Variants in DPH5 observed in about 807,000 individuals in gnomAD.
DPH5 encodes the protein diphthine methyl ester synthase.
In DPH5, 31 loss-of-function variants were observed where a neutral mutation model predicts 31.6. The ratio of observed to expected loss-of-function variants is 0.98; its 90% CI spans 0.74 to 1.32. The LOEUF (loss-of-function observed/expected upper bound fraction) is 1.32, where lower values mean the gene tolerates loss of function less well. DPH5 is among the 40% of genes most tolerant of loss of function. The pLI is 0.00. For synonymous variants in DPH5, 120 were observed against 115.0 expected (o/e 1.04, Z -0.28); for missense variants, 309 against 335.7 (o/e 0.92, Z 0.62).
At chr1:100,998,499 C>A (rs1420221890) in intron 5 of DPH5, among the ~76,000 whole-genome samples, 2 of 111,098 alleles carry the variant, frequency 1.8e-5, no homozygotes, top group African/African-American at 3.2e-5. Flanking sequence ...ACAGGGTAAA[C>A]CTTATCTTAA....
In DPH5 at chr1:100,990,310, G is replaced by A. The variant is rs373190218; in HGVS notation, c.*98C>T. On this transcript the variant is annotated 3_prime_UTR_variant, in exon 8 of 8. Transcript: ENST00000370109. ...TACCACAACACCTGGGAATTATGAGGATTAAAATTCAAGATGAGACTTGGG... is the reference window on the plus strand; with the variant it reads ...TACCACAACACCTGGGAATTATGAGAATTAAAATTCAAGATGAGACTTGGG... The A allele has an allele frequency of 4.3e-5, 48 of 1,118,080 alleles. 1 individual carries two copies. The African/African-American group carries it at 5.4e-4, about 13-fold the overall frequency. The allele number at this position is 1,118,080 out of a possible 1,614,324, so 69.3% of individuals were successfully genotyped here.
Position 100,998,417 on chromosome 1 carries a change from G to A in DPH5, c.490+3050C>T, listed in dbSNP as rs560280933. Among the ~76,000 whole-genome samples the A allele has an allele frequency of 1.2e-4, 18 of 151,960 alleles. No individual in the cohort carries two copies. In the South Asian group the frequency reaches 2.5e-3, roughly 21 times the overall value. On this transcript the variant is annotated intron_variant, in intron 5 of 7. Coordinates refer to ENST00000370109, the MANE Select transcript of DPH5 (RefSeq NM_015958.3). ...TCCCAGCCTCAGGAGGCTGAGGCAG[G>A]AGAATTGCTTGAACCTGGTAGGCAG...
chr1:101,021,648 G>C lies in DPH5; in HGVS notation c.253C>G (p.Pro85Ala). The change falls in exon 3 of 8, where the codon CCA becomes GCA. Residue 85 changes from proline to alanine, a missense_variant. Pro to Ala is a conservative substitution (Grantham distance 27). Coordinates refer to ENST00000370109, the MANE Select transcript of DPH5 (RefSeq NM_015958.3). Reference protein sequence around the residue: ...SDVAFLVVGDPFGATTHSDLV... With the variant: ...SDVAFLVVGDAFGATTHSDLV... ...ATATCTGCCTTGACTTACCCAAATG[G>C]ATCACCAACCACAAGGAATGCAACA... The C allele has an allele frequency of 6.2e-7, 1 of 1,611,500 alleles. No individual in the cohort carries two copies. Among genetic ancestry groups the C allele is most frequent in the Non-Finnish European group, 8.5e-7 (1 of 1,178,466 alleles).
At chr1:100,990,711 A>C in intron 7 of DPH5, 80 bp from the exon 8 acceptor site, 1 of 1,343,068 alleles carries the variant, frequency 7.4e-7, no homozygotes, top group Non-Finnish European at 1.0e-6. Context: ...TTAGTACCAC[A>C]AGTACATTTC....
chr1:100,994,967 G>A (rs576699654), intron 6 of DPH5, 143 bp downstream of exon 6: 35 of 583,696 alleles, frequency 6.0e-5, no homozygotes, highest in East Asian at 2.0e-4. Context: ...TTATCATTTC[G>A]TAAGAATAAA....
At chr1:101,007,935 C>G (rs1375964683) in intron 4 of DPH5, among the ~76,000 whole-genome samples, 5 of 151,984 alleles carry the variant, frequency 3.3e-5, no homozygotes, top group African/African-American at 7.3e-5. Flanking sequence ...TTAGAAAAAT[C>G]TGCAAAATGT....
At chr1:101,023,902 A>G (rs1409986556) in intron 2 of DPH5, among the ~76,000 whole-genome samples, 2 of 152,224 alleles carry the variant, frequency 1.3e-5, no homozygotes, top group East Asian at 3.8e-4. Context: ...AGATAAAACT[A>G]TAACCAAACT....
chr1:100,996,951 G>A (rs1049685559), intron 5 of DPH5, among the ~76,000 whole-genome samples: 3 of 152,172 alleles, frequency 2.0e-5, no homozygotes, highest in Non-Finnish European at 2.9e-5. Flanking sequence ...TGAGAACTAT[G>A]GTTTGAGGAT....
intron 7 of DPH5, among the ~76,000 whole-genome samples, chr1:100,992,384 G>A (rs1657838303): frequency 6.6e-6 from 1 of 152,036 alleles, no homozygotes; most frequent in Admixed American, 6.6e-5. Context: ...TGTGACTTAT[G>A]TTTAATTTGT....
rs571465072 is a variant in DPH5, at chr1:100,990,215, C to T, written c.*193G>A. 7.0e-5 allele frequency: 41 copies of T among 587,532 alleles called. No homozygotes were observed. In the Admixed American group the frequency reaches 1.1e-3, roughly 15 times the overall value. The allele number at this position is 587,532 out of a possible 1,614,324, so 36.4% of individuals were successfully genotyped here. The stretch of plus-strand genomic sequence containing the variant: ...GGGAAATGCCAGGCACTTATAAAAC[C>T]ATCAGATCTCATGAAAGCTCACTAT... On this transcript the variant is annotated 3_prime_UTR_variant, in exon 8 of 8. Coordinates refer to ENST00000370109, the MANE Select transcript of DPH5 (RefSeq NM_015958.3).
At chr1:101,001,430 C>T (rs759751128) in intron 5 of DPH5, 37 bp downstream of exon 5, 3 of 1,593,042 alleles carry the variant, frequency 1.9e-6, no homozygotes, top group Non-Finnish European at 2.6e-6. Flanking sequence ...TATGATAGTT[C>T]CATATTGTTA....
At position 100,992,670 on chromosome 1, in the gene DPH5, C is replaced by T. The variant is rs1570641526; in HGVS notation, c.601G>A (p.Val201Ile). ...NQAAQQLLEI[V>I]QNQRIRGEEP... Reference sequence around the variant, plus strand: ...TCTCCTCGTATTCTTTGATTTTGAACAATCTCCAGAAGCTGCTGGGCTGCT... The same window carrying T: ...TCTCCTCGTATTCTTTGATTTTGAATAATCTCCAGAAGCTGCTGGGCTGCT... The change falls in exon 7 of 8, where the codon GTT becomes ATT. Residue 201 changes from valine to isoleucine, a missense_variant. Physicochemically the swap from Val to Ile is conservative, Grantham distance 29. Coordinates refer to ENST00000370109, the MANE Select transcript of DPH5 (RefSeq NM_015958.3). The T allele has an allele frequency of 6.2e-7, 1 of 1,613,938 alleles. No homozygotes were observed. Among genetic ancestry groups the T allele is most frequent in the Admixed American group, 1.7e-5 (1 of 60,008 alleles).
intron 4 of DPH5, among the ~76,000 whole-genome samples, chr1:101,005,037 G>A (rs953477871): frequency 6.6e-6 from 1 of 152,122 alleles, no homozygotes; most frequent in Non-Finnish European, 1.5e-5. Flanking sequence ...CTACAACCAT[G>A]GTTTGAGCCC....
At chr1:100,997,586 C>T (rs1030442558) in intron 5 of DPH5, among the ~76,000 whole-genome samples, 1 of 152,090 alleles carries the variant, frequency 6.6e-6, no homozygotes, top group East Asian at 1.9e-4. Context: ...AAGATGGTCT[C>T]GATCTTCTGA....
intron 3 of DPH5, among the ~76,000 whole-genome samples, chr1:101,016,602 C>T (rs145112798): frequency 0.081 from 12,348 of 151,634 alleles, 671 homozygotes; most frequent in Middle Eastern, 0.19. Context: ...CCCGCCACCA[C>T]GCCCAGCTAA....
At chr1:101,013,534 A>C in intron 4 of DPH5, 176 bp downstream of exon 4, 2 of 424,884 alleles carry the variant, frequency 4.7e-6, no homozygotes. Context: ...AAGGGGGAAA[A>C]CCTAGCATAA....
At chr1:100,997,710 C>T (rs1658490404) in intron 5 of DPH5, among the ~76,000 whole-genome samples, 1 of 152,154 alleles carries the variant, frequency 6.6e-6, no homozygotes, top group African/African-American at 2.4e-5. Context: ...ATCAGGTAGC[C>T]TGCCTCTCAG....
chr1:100,992,555 T>TACTA, intron 7 of DPH5, 82 bp downstream of exon 7: 1 of 919,444 alleles, frequency 1.1e-6, no homozygotes, highest in South Asian at 1.8e-5. Context: ...GCTTCCATAG[T>TACTA]GGTATGAGAT....
intron 3 of DPH5, among the ~76,000 whole-genome samples, chr1:101,018,621 A>G (rs965210247): frequency 3.3e-5 from 5 of 152,228 alleles, no homozygotes; most frequent in African/African-American, 7.2e-5. Flanking sequence ...AATGTTTGCA[A>G]TGATATAGCG....
Sources: gnomAD v4.1 joint callset for allele counts (sites outside exome capture counted in the v4.1 genomes callset) on GRCh38, gnomAD v4.1.1 for gene constraint, MANE v1.5 for transcripts, NCBI Gene and HGNC (gene_info 2026-07-23, HGNC 2026-07-21) for gene names.